The following CSMD1 variants were observed in gnomAD, a reference collection of about 807,000 sequenced individuals.
CSMD1 encodes CUB and Sushi multiple domains 1.
A neutral mutation model predicts 417.5 loss-of-function variants in CSMD1; 213 were observed. The observed-to-expected ratio is 0.51, with a 90% CI of 0.46 to 0.57. The LOEUF is 0.57. CSMD1 is among the 20% of genes least tolerant of loss of function. The probability of loss-of-function intolerance (pLI) is 0.00; values close to 1 mark genes in which losing one functional copy is unlikely to be tolerated. For synonymous variants in CSMD1, 2,862 were observed against 1,736.8 expected, an observed-to-expected ratio of 1.65 and a Z score of -16.11; for missense variants, 6,923 against 4,529.7, an observed-to-expected ratio of 1.53 and a Z score of -15.17.
chr8:4,665,732 G>C (rs796991948), intron 1 of CSMD1, among the ~76,000 whole-genome samples: 12 of 152,288 alleles, frequency 7.9e-5, no homozygotes, highest in African/African-American at 2.4e-4. Flanking sequence ...TCTATGGTAT[G>C]AATATTAAAC....
At chr8:4,005,508 G>A (rs976339694) in intron 4 of CSMD1, among the ~76,000 whole-genome samples, 5 of 152,230 alleles carry the variant, frequency 3.3e-5, no homozygotes, top group East Asian at 1.9e-4. Flanking sequence ...ATCATGTGGC[G>A]ATACACTTGC....
chr8:4,990,297 G>C (rs752719179), intron 1 of CSMD1, among the ~76,000 whole-genome samples: 2 of 152,040 alleles, frequency 1.3e-5, no homozygotes, highest in Non-Finnish European at 2.9e-5. Context: ...ATAATATCCT[G>C]ATAATGCAAC....
intron 1 of CSMD1, among the ~76,000 whole-genome samples, chr8:4,799,546 C>T (rs369713295): frequency 2.5e-5 from 3 of 118,608 alleles, no homozygotes; most frequent in South Asian, 5.6e-4. Context: ...TTGCAGTGAG[C>T]TGAGATTGCA....
chr8:4,639,907 C>G (rs1270565686), intron 1 of CSMD1, among the ~76,000 whole-genome samples: 2 of 152,106 alleles, frequency 1.3e-5, no homozygotes, highest in Non-Finnish European at 1.5e-5. Context: ...AATAATAACA[C>G]TGTAACAAGT....
At chr8:3,366,221 G>A (rs1310355307) in intron 20 of CSMD1, among the ~76,000 whole-genome samples, 2 of 152,290 alleles carry the variant, frequency 1.3e-5, no homozygotes, top group African/African-American at 4.8e-5. Flanking sequence ...CTGTAGTGCA[G>A]CAGGGCCCTT....
chr8:3,683,315 A>G (rs1585070180), intron 7 of CSMD1, among the ~76,000 whole-genome samples: 1 of 152,178 alleles, frequency 6.6e-6, no homozygotes, highest in African/African-American at 2.4e-5. Context: ...AGTCAAGGCA[A>G]AGTTCTTTCA....
chr8:4,855,889 G>A (rs1217395284), intron 1 of CSMD1, among the ~76,000 whole-genome samples: 12 of 149,782 alleles, frequency 8.0e-5, no homozygotes, highest in African/African-American at 1.2e-4. Context: ...GCAGGCCAAC[G>A]TTCAGATTCA....
At chr8:4,991,305 A>G (rs1811451079) in intron 1 of CSMD1, among the ~76,000 whole-genome samples, 1 of 152,316 alleles carries the variant, frequency 6.6e-6, no homozygotes, top group Middle Eastern at 3.4e-3. Context: ...TTCAACCTTT[A>G]CAATGCCATT....
intron 1 of CSMD1, among the ~76,000 whole-genome samples, chr8:4,919,558 A>G (rs1432255408): frequency 6.6e-6 from 1 of 152,218 alleles, no homozygotes; most frequent in African/African-American, 2.4e-5. Context: ...AAATGTTGAC[A>G]TAAAATAAAA....
chr8:4,918,324 G>A (rs1275229126), intron 1 of CSMD1, among the ~76,000 whole-genome samples: 1 of 152,122 alleles, frequency 6.6e-6, no homozygotes, highest in Admixed American at 6.5e-5. Flanking sequence ...AAAGTGTATT[G>A]CCTTCTCTCT....
rs150715655 is a variant in CSMD1, at chr8:3,003,208, T to C, written c.8030-3077A>G. The stretch of plus-strand genomic sequence containing the variant: ...ATCTTAATGATATTGTGTCAATATG[T>C]TGAGGAAGGGAAAATTGCATTAGGA... On this transcript the variant is annotated intron_variant, in intron 52 of 69. Coordinates refer to ENST00000635120, the MANE Select transcript of CSMD1 (RefSeq NM_033225.6). Among the ~76,000 whole-genome samples the C allele has an allele frequency of 6.6e-5, 10 of 152,336 alleles. No homozygotes were observed. In the East Asian group the frequency reaches 1.2e-3, roughly 18 times the overall value.
intron 3 of CSMD1, among the ~76,000 whole-genome samples, chr8:4,332,823 A>G (rs1488333227): frequency 1.3e-5 from 2 of 152,034 alleles, no homozygotes; most frequent in Non-Finnish European, 2.9e-5. Flanking sequence ...TTTCAGGGAA[A>G]CTTTATTTAG....
chr8:4,184,559 C>T (rs142968067), intron 3 of CSMD1, among the ~76,000 whole-genome samples: 4 of 152,122 alleles, frequency 2.6e-5, no homozygotes, highest in South Asian at 4.2e-4. Context: ...ATGTCCTTTG[C>T]ATGAGCATGG....
At chr8:3,382,298 TA>T (rs1453345739) in intron 18 of CSMD1, among the ~76,000 whole-genome samples, 1 of 149,454 alleles carries the variant, frequency 6.7e-6, no homozygotes, top group Non-Finnish European at 1.5e-5. Context: ...GAATATTTTT[TA>T]AAGTTTATTG....
chr8:4,198,303 G>A (rs917232486), intron 3 of CSMD1, among the ~76,000 whole-genome samples: 3 of 152,238 alleles, frequency 2.0e-5, no homozygotes, highest in Admixed American at 6.5e-5. Flanking sequence ...AGTGGCAGCA[G>A]GGGCTGGCAA....
At chr8:4,959,576 T>C (rs10110891) in intron 1 of CSMD1, among the ~76,000 whole-genome samples, 100,630 of 152,186 alleles carry the variant, frequency 0.66, 34,288 homozygotes, top group Non-Finnish European at 0.74. Flanking sequence ...TATCACCCGA[T>C]ACCTATCTAA....
intron 3 of CSMD1, among the ~76,000 whole-genome samples, chr8:4,074,958 T>C (rs1190480968): frequency 6.6e-6 from 1 of 152,182 alleles, no homozygotes; most frequent in Admixed American, 6.5e-5. Flanking sequence ...TGTGTGACAG[T>C]TTGAGTCTGC....
rs139122694 is a variant in CSMD1, at chr8:4,310,186, A to C, written c.415+109767T>G. 1.4e-3 allele frequency among the ~76,000 whole-genome samples: 212 copies of C among 152,326 alleles called. 1 individual carries two copies. Among genetic ancestry groups the C allele is most frequent in the African/African-American group, 4.7e-3 (195 of 41,580 alleles). ...GTATTGCATCAGACCATAAAGAAAC[A>C]ATGGTAATCTCCTTTCCATCTAGTG... is the stretch of plus-strand genomic sequence containing the variant. On this transcript the variant is annotated intron_variant, in intron 3 of 69. Transcript: ENST00000635120.
In CSMD1 at chr8:3,618,554, T is replaced by G. The variant is rs1050292713; in HGVS notation, c.1010-1757A>C. Among the ~76,000 whole-genome samples the G allele has an allele frequency of 3.9e-5, 6 of 152,158 alleles. No individual in the cohort carries two copies. In the South Asian group the frequency reaches 1.2e-3, roughly 32 times the overall value. On this transcript the variant is annotated intron_variant, in intron 7 of 69. Transcript: ENST00000635120. ...TTCCAAAATTTTATTTTCTAAATGT[T>G]TAATTTTCTCAATATTATATCAAAA...
Sources: gnomAD v4.1 joint callset for allele counts (sites outside exome capture counted in the v4.1 genomes callset) on GRCh38, gnomAD v4.1.1 for gene constraint, MANE v1.5 for transcripts, NCBI Gene and HGNC (gene_info 2026-07-23, HGNC 2026-07-21) for gene names.